Variants in UQCC1 observed in about 807,000 individuals in gnomAD.
UQCC1 encodes bFGF-repressed Zic-binding protein.
UQCC1 carries 38 observed loss-of-function variants against 48.0 expected under a neutral mutation model. That is an observed-to-expected ratio of 0.79 (90% confidence interval 0.61 to 1.04). The LOEUF (loss-of-function observed/expected upper bound fraction) is 1.04. Among genes scored for constraint, UQCC1 ranks in the 50% least tolerant of loss-of-function variants. The pLI is 0.00. For missense variants in UQCC1, 368 were observed against 381.8 expected (o/e 0.96, Z 0.30); for synonymous variants, 111 against 129.2 (o/e 0.86, Z 0.95).
At chr20:35,359,882 T>G (rs2061587246) in intron 6 of UQCC1, among the ~76,000 whole-genome samples, 1 of 152,106 alleles carries the variant, frequency 6.6e-6, no homozygotes, top group South Asian at 2.1e-4. Flanking sequence ...TACATGGCTA[T>G]CTCCACCTGG....
intron 5 of UQCC1, among the ~76,000 whole-genome samples, chr20:35,372,049 C>G (rs371614433): frequency 1.3e-5 from 2 of 151,546 alleles, no homozygotes; most frequent in South Asian, 4.2e-4. Context: ...TGGTGGCTCA[C>G]GCCTGTAATC....
At chr20:35,338,916 TTTTTCAAA>T (rs1199606818) in intron 7 of UQCC1, among the ~76,000 whole-genome samples, 1 of 98,692 alleles carries the variant, frequency 1.0e-5, no homozygotes, top group African/African-American at 4.8e-5. Flanking sequence ...TATGGAGAGA[TTTTTCAAA>T]ATGCATATAC....
At chr20:35,410,281 C>T (rs1235916121) in intron 1 of UQCC1, 1 of 152,062 alleles carries the variant, frequency 6.6e-6, no homozygotes, top group Non-Finnish European at 1.5e-5. Flanking sequence ...TGCCTGTTAT[C>T]CCAGCACTTT....
At chr20:35,384,238 A>G (rs1412133506) in intron 2 of UQCC1, 105 bp from the exon 3 acceptor site, 4 of 1,006,918 alleles carry the variant, frequency 4.0e-6, no homozygotes, top group Non-Finnish European at 5.9e-6. Flanking sequence ...AACCTTACTT[A>G]GCCCACTTCC....
At chr20:35,353,330 A>C (rs2061511193) in intron 6 of UQCC1, among the ~76,000 whole-genome samples, 1 of 151,096 alleles carries the variant, frequency 6.6e-6, no homozygotes, top group African/African-American at 2.4e-5. Context: ...CCGGAGGTGG[A>C]GGTTTCAGTG....
intron 7 of UQCC1, chr20:35,344,186 A>T (rs2061409576): frequency 6.6e-6 from 1 of 152,236 alleles, no homozygotes; most frequent in Non-Finnish European, 1.5e-5. Context: ...CATAAGCAAA[A>T]AACTGAATAA....
At chr20:35,321,916 G>A (rs1439988123) in intron 7 of UQCC1, among the ~76,000 whole-genome samples, 3 of 152,164 alleles carry the variant, frequency 2.0e-5, no homozygotes, top group South Asian at 2.1e-4. Context: ...GAGAAGAGAT[G>A]TATGTCCTCA....
rs1483847210 is a variant in UQCC1 at position 35,303,927 on chromosome 20, C to T, written c.*8G>A. ...CCAGCTGGCGGGCCGTGCGGAGGGC[C>T]CAGCCCATCAAAGTCCCTCGTCGTT... On this transcript the variant is annotated 3_prime_UTR_variant, in exon 10 of 10. Transcript: ENST00000374385. The T allele has an allele frequency of 1.2e-6, 2 of 1,614,172 alleles. No individual in the cohort carries two copies. Among genetic ancestry groups the T allele is most frequent in the Non-Finnish European group, 1.7e-6 (2 of 1,180,002 alleles).
chr20:35,347,753 T>C (rs1476196870), intron 6 of UQCC1, among the ~76,000 whole-genome samples: 1 of 152,244 alleles, frequency 6.6e-6, no homozygotes, highest in East Asian at 1.9e-4. Context: ...TAAATACAGC[T>C]AGTCAAAGCT....
intron 1 of UQCC1, among the ~76,000 whole-genome samples, chr20:35,401,722 C>T (rs983753279): frequency 1.0e-4 from 14 of 138,804 alleles, no homozygotes; most frequent in African/African-American, 2.4e-4. Context: ...AGTGCAATGA[C>T]GCAATCTCAG....
At chr20:35,395,352 G>A (rs1427614352) in intron 1 of UQCC1, among the ~76,000 whole-genome samples, 1 of 151,948 alleles carries the variant, frequency 6.6e-6, no homozygotes, top group Non-Finnish European at 1.5e-5. Context: ...AGCAGCTCAT[G>A]CCTTCACTCC....
intron 6 of UQCC1, among the ~76,000 whole-genome samples, chr20:35,352,759 T>TGTAACCTC (rs1397144098): frequency 5.3e-5 from 8 of 152,146 alleles, no homozygotes; most frequent in Non-Finnish European, 1.2e-4. Context: ...CACATCTCAC[T>TGTAACCTC]GTAACCTCAA....
At chr20:35,386,229 C>CAA (rs751779736) in intron 2 of UQCC1, 89 of 317,550 alleles carry the variant, frequency 2.8e-4, no homozygotes, top group African/African-American at 6.3e-4. Context: ...ATAATTCTGG[C>CAA]AAAAAAAAAA....
chr20:35,330,574 C>G (rs1568660986), intron 7 of UQCC1, among the ~76,000 whole-genome samples: 1 of 152,196 alleles, frequency 6.6e-6, no homozygotes, highest in Non-Finnish European at 1.5e-5. Context: ...GACATCCATA[C>G]CCAACCACTT....
At chr20:35,322,497 G>A (rs2061142466) in intron 7 of UQCC1, among the ~76,000 whole-genome samples, 1 of 152,144 alleles carries the variant, frequency 6.6e-6, no homozygotes. Context: ...ACTCTGGGAG[G>A]CTGAGGTGGG....
At chr20:35,304,217 G>T in intron 9 of UQCC1, 148 bp from the exon 10 acceptor site, 2 of 1,023,412 alleles carry the variant, frequency 2.0e-6, no homozygotes, top group Non-Finnish European at 2.8e-6. Flanking sequence ...AGACCAAGCC[G>T]TCCCAGGCCA....
chr20:35,385,645 G>A (rs2061932821), intron 2 of UQCC1, among the ~76,000 whole-genome samples: 1 of 152,090 alleles, frequency 6.6e-6, no homozygotes, highest in South Asian at 2.1e-4. Context: ...GGGACTACAG[G>A]CATCTGTCAT....
chr20:35,392,043 T>G (rs891874918), intron 2 of UQCC1, among the ~76,000 whole-genome samples: 7 of 152,208 alleles, frequency 4.6e-5, no homozygotes, highest in Admixed American at 1.3e-4. Flanking sequence ...TACCTGATAC[T>G]ACCACTCATC....
intron 7 of UQCC1, among the ~76,000 whole-genome samples, chr20:35,318,121 G>A (rs2061083328): frequency 6.6e-6 from 1 of 152,184 alleles, no homozygotes; most frequent in African/African-American, 2.4e-5. Context: ...AAACAGTAAG[G>A]CAGGAGCATC....
Sources: allele counts gnomAD v4.1 joint callset (sites outside exome capture counted in the v4.1 genomes callset), GRCh38; gene constraint gnomAD v4.1.1; transcripts MANE v1.5; gene names NCBI Gene and HGNC (gene_info 2026-07-23, HGNC 2026-07-21).